Variants in CNTN6 observed in about 807,000 individuals in gnomAD.
The protein encoded by CNTN6 is contactin-6.
Under a neutral mutation model 122.8 loss-of-function variants are expected in CNTN6, and 137 were observed. The observed-to-expected ratio is 1.12, with a 90% CI of 0.97 to 1.29. CNTN6 has a LOEUF of 1.29. CNTN6 is among the 50% of genes most tolerant of loss of function. The pLI is 0.00. For missense variants in CNTN6, 1,634 were observed against 1,223.4 expected (o/e 1.34, Z -5.01); for synonymous variants, 570 against 426.0 (o/e 1.34, Z -4.16).
At chr3:1,291,504 G>A (rs761948602) in intron 5 of CNTN6, among the ~76,000 whole-genome samples, 7 of 152,260 alleles carry the variant, frequency 4.6e-5, no homozygotes, top group East Asian at 1.9e-4. Flanking sequence ...ATTTCAGAGA[G>A]CTAAAGCGTA....
At position 1,198,191 on chromosome 3, in the gene CNTN6, C is replaced by CA. The variant is rs963660843; in HGVS notation, c.56-22488dup. ...GAACTGCCTATTAATAAAAAACAAACAAAAAAAACTTATTCCTTGGTATGC... is the reference window on the plus strand; with the variant it reads ...GAACTGCCTATTAATAAAAAACAAACAAAAAAAAACTTATTCCTTGGTATGC... On this transcript the variant is annotated intron_variant, in intron 2 of 22. Coordinates refer to ENST00000446702, the MANE Select transcript of CNTN6 (RefSeq NM_001289080.2). Among the ~76,000 whole-genome samples, 10 of 151,818 alleles carry CA rather than the reference C, an allele frequency of 6.6e-5. No individual in the cohort carries two copies. The South Asian group carries it at 1.5e-3, about 22-fold the overall frequency.
chr3:1,150,530 C>T (rs1484429832), intron 2 of CNTN6, among the ~76,000 whole-genome samples: 5 of 152,136 alleles, frequency 3.3e-5, no homozygotes, highest in Admixed American at 6.6e-5. Flanking sequence ...TTAATCCATA[C>T]AGTCATACAT....
chr3:1,380,660 C>A (rs1311289130), intron 17 of CNTN6, among the ~76,000 whole-genome samples: 1 of 152,144 alleles, frequency 6.6e-6, no homozygotes, highest in Non-Finnish European at 1.5e-5. Context: ...GACCTCTTTT[C>A]TAATGTCTCA....
intron 1 of CNTN6, among the ~76,000 whole-genome samples, chr3:1,116,510 C>G (rs1218340125): frequency 6.6e-6 from 1 of 152,010 alleles, no homozygotes; most frequent in Non-Finnish European, 1.5e-5. Flanking sequence ...TGTGATCATA[C>G]TATTTGAATC....
intron 2 of CNTN6, among the ~76,000 whole-genome samples, chr3:1,171,795 C>T (rs961742679): frequency 6.6e-6 from 1 of 152,026 alleles, no homozygotes; most frequent in Non-Finnish European, 1.5e-5. Context: ...TTTGCAGAGA[C>T]AGAGAGTCCC....
At chr3:1,152,742 T>C (rs1274213880) in intron 2 of CNTN6, among the ~76,000 whole-genome samples, 1 of 152,224 alleles carries the variant, frequency 6.6e-6, no homozygotes, top group Non-Finnish European at 1.5e-5. Flanking sequence ...AAATGTTTAA[T>C]AAAGACTTGA....
chr3:1,103,047 A>G (rs879528398), intron 1 of CNTN6, among the ~76,000 whole-genome samples: 2,504 of 151,542 alleles, frequency 0.017, 32 homozygotes, highest in Non-Finnish European at 0.026. Context: ...CGGAGCTTGC[A>G]GTGAGCCAAG....
chr3:1,266,303 G>A (rs1266146511), intron 4 of CNTN6, among the ~76,000 whole-genome samples: 3 of 152,244 alleles, frequency 2.0e-5, no homozygotes, highest in South Asian at 2.1e-4. Flanking sequence ...GCCGATTGCA[G>A]CTGTGATTCC....
intron 1 of CNTN6, among the ~76,000 whole-genome samples, chr3:1,103,089 G>A (rs1309342402): frequency 6.6e-6 from 1 of 152,062 alleles, no homozygotes; most frequent in Non-Finnish European, 1.5e-5. Flanking sequence ...CTGGGCGACA[G>A]AGCCAGACTC....
chr3:1,267,859 C>G (rs1167837785), intron 4 of CNTN6, among the ~76,000 whole-genome samples: 1 of 151,916 alleles, frequency 6.6e-6, no homozygotes, highest in Non-Finnish European at 1.5e-5. Context: ...TCAGGGCTTC[C>G]TCAGCAGAAA....
intron 5 of CNTN6, among the ~76,000 whole-genome samples, chr3:1,281,977 T>C (rs1693528413): frequency 8.8e-6 from 1 of 113,702 alleles, no homozygotes. Flanking sequence ...GTGATATATA[T>C]AGGTATACAC....
At chr3:1,379,404 G>A (rs1204349422) in intron 17 of CNTN6, among the ~76,000 whole-genome samples, 2 of 152,092 alleles carry the variant, frequency 1.3e-5, no homozygotes, top group Non-Finnish European at 2.9e-5. Flanking sequence ...AACAATAGAC[G>A]CTAGCGTCTG....
At chr3:1,330,846 G>A (rs899075762) in intron 11 of CNTN6, among the ~76,000 whole-genome samples, 1 of 151,894 alleles carries the variant, frequency 6.6e-6, no homozygotes, top group African/African-American at 2.4e-5. Context: ...ACTAGAAAGT[G>A]AGTTCCCTAC....
intron 20 of CNTN6, among the ~76,000 whole-genome samples, chr3:1,397,026 A>C (rs1424374995): frequency 6.6e-6 from 1 of 152,214 alleles, no homozygotes; most frequent in Non-Finnish European, 1.5e-5. Flanking sequence ...TAATTGGCTA[A>C]GCTAAAGAGA....
intron 14 of CNTN6, among the ~76,000 whole-genome samples, chr3:1,373,362 T>G (rs972542724): frequency 2.0e-5 from 3 of 152,138 alleles, no homozygotes; most frequent in Non-Finnish European, 4.4e-5. Context: ...TCTTTGAGTA[T>G]AGGTTGATAT....
Position 1,295,823 on chromosome 3 carries a change from T to G in CNTN6, c.658+19T>G, listed in dbSNP as rs780195346. On this transcript the variant is annotated intron_variant, in intron 6 of 22. Coordinates refer to ENST00000446702, the MANE Select transcript of CNTN6 (RefSeq NM_001289080.2). ...ACTGATGGTAAGATAATGAGTTATC[T>G]TGGGAATGTACTTTATCTTTGGCCC... is the stretch of plus-strand genomic sequence containing the variant. 1 of 1,603,422 alleles carries G rather than the reference T, an allele frequency of 6.2e-7. No homozygotes were observed. Among genetic ancestry groups the G allele is most frequent in the Non-Finnish European group, 8.5e-7 (1 of 1,170,940 alleles).
chr3:1,268,147 C>A (rs760020172), intron 4 of CNTN6, among the ~76,000 whole-genome samples: 1 of 152,192 alleles, frequency 6.6e-6, no homozygotes, highest in Non-Finnish European at 1.5e-5. Flanking sequence ...AAAGGCAAAG[C>A]CCAAGACTAT....
intron 8 of CNTN6, among the ~76,000 whole-genome samples, chr3:1,322,560 T>G (rs1701004045): frequency 6.6e-6 from 1 of 151,742 alleles, no homozygotes; most frequent in Non-Finnish European, 1.5e-5. Context: ...TAAAAAGTAT[T>G]GATATATGGC....
intron 4 of CNTN6, among the ~76,000 whole-genome samples, chr3:1,270,046 C>T (rs540338315): frequency 3.3e-5 from 5 of 152,098 alleles, no homozygotes; most frequent in Non-Finnish European, 5.9e-5. Context: ...TCTTTTACAG[C>T]GTTTGACAAT....
Sources: allele counts gnomAD v4.1 joint callset (sites outside exome capture counted in the v4.1 genomes callset), GRCh38; gene constraint gnomAD v4.1.1; transcripts MANE v1.5; gene names NCBI Gene and HGNC (gene_info 2026-07-23, HGNC 2026-07-21).